Variants in SGCG observed in about 807,000 individuals in gnomAD.
SGCG encodes the protein gamma-sarcoglycan.
SGCG carries 26 observed loss-of-function variants against 29.3 expected under a neutral mutation model. The observed-to-expected ratio is 0.89, with a 90% CI of 0.65 to 1.23. The LOEUF is 1.23. Among genes scored for constraint, SGCG ranks in the 50% most tolerant of loss-of-function variants. SGCG has a pLI of 0.00. For missense variants in SGCG, 353 were observed against 356.0 expected, an observed-to-expected ratio of 0.99 and a Z score of 0.07; for synonymous variants, 145 against 129.7, an observed-to-expected ratio of 1.12 and a Z score of -0.80.
intron 3 of SGCG, among the ~76,000 whole-genome samples, chr13:23,248,959 C>A (rs1459835747): frequency 6.7e-6 from 1 of 148,792 alleles, no homozygotes; most frequent in African/African-American, 2.5e-5. Flanking sequence ...CCAGTGCACT[C>A]CAGCCTGGGC....
At chr13:23,198,188 A>G (rs960824960) in intron 1 of SGCG, among the ~76,000 whole-genome samples, 12 of 149,504 alleles carry the variant, frequency 8.0e-5, no homozygotes, top group Non-Finnish European at 3.0e-5. Flanking sequence ...CTTTTCAAAA[A>G]TCATATGATA....
intron 4 of SGCG, among the ~76,000 whole-genome samples, chr13:23,277,163 AC>A (rs1389259289): frequency 6.6e-6 from 1 of 152,192 alleles, no homozygotes; most frequent in Non-Finnish European, 1.5e-5. Context: ...AACCCCTTAT[AC>A]TTAATAAGGC....
chr13:23,316,236 T>C (rs1184838857), intron 6 of SGCG, among the ~76,000 whole-genome samples: 1 of 152,112 alleles, frequency 6.6e-6, no homozygotes, highest in Non-Finnish European at 1.5e-5. Context: ...AGGGCAGAGG[T>C]TTGTCCTCAC....
chr13:23,223,281 A>C (rs1269718209), intron 2 of SGCG, among the ~76,000 whole-genome samples: 1 of 26,494 alleles, frequency 3.8e-5, no homozygotes, highest in African/African-American at 2.1e-4. Context: ...TGTCACAAAA[A>C]AAAAAAAAAA....
At chr13:23,215,571 G>A (rs912008572) in intron 2 of SGCG, among the ~76,000 whole-genome samples, 4 of 152,102 alleles carry the variant, frequency 2.6e-5, no homozygotes, top group Admixed American at 1.3e-4. Flanking sequence ...TTAATTAAAT[G>A]CTCAGTTTAA....
At chr13:23,288,264 G>A (rs1312944131) in intron 5 of SGCG, among the ~76,000 whole-genome samples, 2 of 152,134 alleles carry the variant, frequency 1.3e-5, no homozygotes, top group African/African-American at 4.8e-5. Flanking sequence ...TCTGAGGACT[G>A]GAAAGAAAAT....
intron 2 of SGCG, among the ~76,000 whole-genome samples, chr13:23,227,170 G>A (rs1457560781): frequency 6.6e-6 from 1 of 152,084 alleles, no homozygotes; most frequent in African/African-American, 2.4e-5. Context: ...TTGGCTGCCT[G>A]TCCACATCTG....
intron 4 of SGCG, among the ~76,000 whole-genome samples, chr13:23,269,865 G>GTTTTTTTTTTTT (rs759448810): frequency 4.0e-5 from 4 of 101,238 alleles, no homozygotes; most frequent in Non-Finnish European, 4.6e-5. Flanking sequence ...GCTTTTTTTT[G>GTTTTTTTTTTTT]TTTTTTTTGT....
At chr13:23,161,148 C>T in the SGCG span, among the ~76,000 whole-genome samples, 6 of 152,202 alleles carry the variant, frequency 3.9e-5, no homozygotes, top group African/African-American at 1.4e-4. Flanking sequence ...TGAAGCGCAG[C>T]AGCGGGGCTC....
the SGCG span, among the ~76,000 whole-genome samples, chr13:23,173,012 C>T: frequency 6.6e-6 from 1 of 152,216 alleles, no homozygotes; most frequent in Admixed American, 6.5e-5. Context: ...AATCATATCT[C>T]TATTTACCGC....
At chr13:23,223,064 G>A (rs1435949712) in intron 2 of SGCG, among the ~76,000 whole-genome samples, 4 of 151,902 alleles carry the variant, frequency 2.6e-5, no homozygotes, top group African/African-American at 9.7e-5. Context: ...AGATCACGAG[G>A]TCAGGAGATC....
chr13:23,197,187 C>T (rs1042829895), intron 1 of SGCG, among the ~76,000 whole-genome samples: 1 of 152,130 alleles, frequency 6.6e-6, no homozygotes, highest in Non-Finnish European at 1.5e-5. Context: ...GTAAGTCCCA[C>T]TCCTTATGCA....
chr13:23,236,903 T>C (rs1386525162), intron 3 of SGCG, among the ~76,000 whole-genome samples: 4 of 152,204 alleles, frequency 2.6e-5, no homozygotes, highest in Non-Finnish European at 5.9e-5. Context: ...GTTTTATAAC[T>C]AACATGGTTT....
At chr13:23,188,489 T>TTC (rs1304446338) in intron 1 of SGCG, among the ~76,000 whole-genome samples, 11 of 130,876 alleles carry the variant, frequency 8.4e-5, no homozygotes, top group Non-Finnish European at 1.8e-4. Context: ...AATTTTTTTT[T>TTC]TTTTTTTTTT....
In SGCG at chr13:23,262,609, A is replaced by C. The variant is rs140734472; in HGVS notation, c.385+11892A>C. ...GGCATTAGACAAATCATTGAGGCAG[A>C]AAGTCAACAAAGAAAACTGGACTTA... On this transcript the variant is annotated intron_variant, in intron 4 of 7. Transcript: ENST00000218867. 7.8e-3 allele frequency among the ~76,000 whole-genome samples: 1,189 copies of C among 152,170 alleles called. 16 individuals carry two copies. Among genetic ancestry groups the C allele is most frequent in the Admixed American group, 0.025 (389 of 15,270 alleles).
At chr13:23,202,963 CTTTTTCTTTTTTTT>C (rs1295923747) in intron 1 of SGCG, among the ~76,000 whole-genome samples, 8 of 151,650 alleles carry the variant, frequency 5.3e-5, no homozygotes, top group Non-Finnish European at 1.0e-4. Flanking sequence ...TTCTTTTTTT[CTTTTTCTTTTTTTT>C]GAGATGGAGT....
intron 3 of SGCG, among the ~76,000 whole-genome samples, chr13:23,240,075 C>T (rs1211174697): frequency 6.6e-6 from 1 of 152,014 alleles, no homozygotes; most frequent in Non-Finnish European, 1.5e-5. Flanking sequence ...AGAAACCTAC[C>T]TTAATTATAA....
At chr13:23,220,516 A>G (rs1878618602) in intron 2 of SGCG, among the ~76,000 whole-genome samples, 1 of 152,242 alleles carries the variant, frequency 6.6e-6, no homozygotes, top group South Asian at 2.1e-4. Flanking sequence ...CTGAGAGTCA[A>G]TTAGAAGATA....
At chr13:23,307,363 T>C (rs1386381321) in intron 6 of SGCG, among the ~76,000 whole-genome samples, 1 of 152,208 alleles carries the variant, frequency 6.6e-6, no homozygotes, top group African/African-American at 2.4e-5. Flanking sequence ...ACCTCAGATA[T>C]TAGTAGTCTT....
Sources: allele counts gnomAD v4.1 joint callset (sites outside exome capture counted in the v4.1 genomes callset), GRCh38; gene constraint gnomAD v4.1.1; transcripts MANE v1.5; gene names NCBI Gene and HGNC (gene_info 2026-07-23, HGNC 2026-07-21).